The following KALRN variants were observed in gnomAD, a reference collection of about 807,000 sequenced individuals.
The protein encoded by KALRN is kalirin RhoGEF kinase, also known as kalirin.
Under a neutral mutation model 353.7 loss-of-function variants are expected in KALRN, and 70 were observed. The observed-to-expected ratio is 0.20, with a 90% CI of 0.16 to 0.24. KALRN has a LOEUF of 0.24. Ranked by LOEUF, KALRN falls within the 10% of genes least tolerant of loss-of-function variation. The pLI is 1.00. For synonymous variants in KALRN, 1,391 were observed against 1,434.8 expected (o/e 0.97, Z 0.69); for missense variants, 2,791 against 3,756.7 (o/e 0.74, Z 6.72).
Position 124,562,960 on chromosome 3 carries a change from C to G in KALRN, c.5053C>G (p.Pro1685Ala). ...VELLERPSER[P>A]GWCLVRTTER... ...GCTGCTGGAGCGGCCCAGCGAGCGGCCTGGTTGGTGTCTGGTCCGTACCAC... is the reference window on the plus strand; with the variant it reads ...GCTGCTGGAGCGGCCCAGCGAGCGGGCTGGTTGGTGTCTGGTCCGTACCAC... Residue 1685 changes from proline to alanine, a missense_variant, in exon 34 of 60, where the codon CCT (proline) becomes GCT (alanine). Transcript: ENST00000682506. 1.5e-6 allele frequency: 2 copies of G among 1,367,928 alleles called. No individual in the cohort carries two copies. Among genetic ancestry groups the G allele is most frequent in the Non-Finnish European group, 2.0e-6 (2 of 1,022,016 alleles). 84.7% of individuals were successfully genotyped at this position (1,367,928 alleles called of 1,614,324 possible). A position where few individuals can be genotyped will look rare whatever the true frequency, so the allele number is the denominator to read the frequency against.
In KALRN at chr3:124,382,981, C is replaced by T. The variant is rs2087632683; in HGVS notation, c.1771-1864C>T. 3.3e-5 allele frequency among the ~76,000 whole-genome samples: 5 copies of T among 152,334 alleles called. No individual in the cohort carries two copies. The South Asian group carries it at 8.3e-4, about 25-fold the overall frequency. On this transcript the variant is annotated intron_variant, in intron 10 of 59. Coordinates refer to ENST00000682506, the MANE Select transcript of KALRN (RefSeq NM_001388419.1). ...AACCCAGTGGCAAAACTACTTTCCT[C>T]ATATGAAGCTGCTGTTTTTCCATGA...
chr3:124,416,472 T>A lies in KALRN; in HGVS notation c.2542+2807T>A, dbSNP rs150179430. The stretch of plus-strand genomic sequence containing the variant: ...GTCAAAAGAGGTTTGGCCTCTTCAG[T>A]GCCTCTTACTGAGGCTGGCTGTTCT... On this transcript the variant is annotated intron_variant, in intron 14 of 59. Coordinates refer to ENST00000682506, the MANE Select transcript of KALRN (RefSeq NM_001388419.1). Among the ~76,000 whole-genome samples, 23 of 152,368 alleles carry A rather than the reference T, an allele frequency of 1.5e-4. No individual in the cohort carries two copies. The East Asian group carries it at 4.2e-3, about 28-fold the overall frequency.
intron 34 of KALRN, among the ~76,000 whole-genome samples, chr3:124,563,918 C>A (rs1291551574): frequency 1.3e-5 from 2 of 151,372 alleles, no homozygotes; most frequent in South Asian, 2.1e-4. Flanking sequence ...TCACTTGAAC[C>A]CGAGAGGCTG....
rs2078017419 is a variant in KALRN at position 124,611,904 on chromosome 3, TGTGGCTG to T, written c.5183-20513_5183-20507del. Among the ~76,000 whole-genome samples, 4 of 152,278 alleles carry T rather than the reference TGTGGCTG, an allele frequency of 2.6e-5. No individual in the cohort carries two copies. The South Asian group carries it at 8.3e-4, about 31-fold the overall frequency. On this transcript the variant is annotated intron_variant, in intron 34 of 59. Coordinates refer to ENST00000682506, the MANE Select transcript of KALRN (RefSeq NM_001388419.1). ...GTAGAAAGCCTTATTTCCGTCTTCATGTGGCTGGTTCACTCCCATCATTCAGGTCTCA... is the reference window on the plus strand; with the variant it reads ...GTAGAAAGCCTTATTTCCGTCTTCATGTTCACTCCCATCATTCAGGTCTCA...
intron 34 of KALRN, among the ~76,000 whole-genome samples, chr3:124,589,191 C>T (rs1463303210): frequency 2.0e-5 from 3 of 152,162 alleles, no homozygotes; most frequent in Non-Finnish European, 4.4e-5. Flanking sequence ...ATATCTCTTC[C>T]TTGGTCCTTA....
intron 6 of KALRN, among the ~76,000 whole-genome samples, chr3:124,321,574 C>T (rs1057484542): frequency 2.6e-5 from 4 of 152,194 alleles, no homozygotes; most frequent in Admixed American, 1.3e-4. Context: ...TCTGCTCCAT[C>T]GATTTCAGTT....
At chr3:124,270,218 T>G (rs1452235043) in intron 5 of KALRN, among the ~76,000 whole-genome samples, 1 of 152,214 alleles carries the variant, frequency 6.6e-6, no homozygotes, top group African/African-American at 2.4e-5. Flanking sequence ...AATACTGTTC[T>G]TAGGGATGCC....
intron 7 of KALRN, 137 bp from the exon 8 acceptor site, chr3:124,329,724 C>G: frequency 1.1e-6 from 1 of 906,332 alleles, no homozygotes; most frequent in African/African-American, 1.7e-5. Context: ...TAAAAAAACT[C>G]TACCCTCTAC....
At chr3:124,687,266 T>G (rs1415247513) in intron 51 of KALRN, among the ~76,000 whole-genome samples, 2 of 152,122 alleles carry the variant, frequency 1.3e-5, no homozygotes, top group East Asian at 3.9e-4. Flanking sequence ...GTCAAGGTCA[T>G]GGCTAGGTTG....
intron 56 of KALRN, among the ~76,000 whole-genome samples, chr3:124,701,380 CTTTCTTTCTTT>C (rs2062323309): frequency 2.2e-5 from 3 of 135,008 alleles, no homozygotes; most frequent in Non-Finnish European, 4.7e-5. Flanking sequence ...CTTTTTCTTT[CTTTCTTTCTTT>C]TTTTTTTTTT....
chr3:124,425,488 A>G (rs1487941191), intron 15 of KALRN, among the ~76,000 whole-genome samples: 1 of 152,194 alleles, frequency 6.6e-6, no homozygotes, highest in African/African-American at 2.4e-5. Context: ...AGGAGCAGGC[A>G]TGGCCTAAGC....
At chr3:124,276,558 C>T (rs968937344) in intron 5 of KALRN, among the ~76,000 whole-genome samples, 1 of 152,216 alleles carries the variant, frequency 6.6e-6, no homozygotes, top group Non-Finnish European at 1.5e-5. Context: ...ACACCTCCAA[C>T]ACCCCCATTC....
At chr3:124,265,869 A>G (rs1197333623) in intron 4 of KALRN, among the ~76,000 whole-genome samples, 7 of 152,176 alleles carry the variant, frequency 4.6e-5, no homozygotes, top group South Asian at 4.1e-4. Flanking sequence ...TAATCCCAAC[A>G]CTTTGGGAGG....
intron 4 of KALRN, among the ~76,000 whole-genome samples, chr3:124,268,052 A>C (rs2073764798): frequency 6.6e-6 from 1 of 152,204 alleles, no homozygotes; most frequent in Admixed American, 6.5e-5. Context: ...CTAAAGCCCT[A>C]TAGGAAGGAA....
chr3:124,606,907 G>T (rs2077406212), intron 34 of KALRN, among the ~76,000 whole-genome samples: 1 of 152,172 alleles, frequency 6.6e-6, no homozygotes, highest in South Asian at 2.1e-4. Flanking sequence ...AAAACGATAA[G>T]ATTATGTTTC....
At chr3:124,563,118 A>G in intron 34 of KALRN, 29 bp downstream of exon 34, 1 of 1,358,670 alleles carries the variant, frequency 7.4e-7, no homozygotes, top group South Asian at 1.1e-5. Flanking sequence ...TGGGAGGCAC[A>G]GACCAAGGAG....
chr3:124,340,843 C>T (rs1317046157), intron 9 of KALRN, among the ~76,000 whole-genome samples: 1 of 152,144 alleles, frequency 6.6e-6, no homozygotes, highest in East Asian at 1.9e-4. Context: ...ATAATCCCAG[C>T]TACTCAGGAG....
chr3:124,286,565 C>T (rs889256398), intron 5 of KALRN, among the ~76,000 whole-genome samples: 1 of 152,090 alleles, frequency 6.6e-6, no homozygotes, highest in Non-Finnish European at 1.5e-5. Context: ...GTGCTGTTTT[C>T]TATTGATTTG....
intron 34 of KALRN, 27 bp downstream of exon 34, chr3:124,563,116 A>G: frequency 1.5e-6 from 2 of 1,360,648 alleles, no homozygotes; most frequent in Non-Finnish European, 2.0e-6. Context: ...GGTGGGAGGC[A>G]CAGACCAAGG....
Sources: allele counts gnomAD v4.1 joint callset (sites outside exome capture counted in the v4.1 genomes callset), GRCh38; gene constraint gnomAD v4.1.1; transcripts MANE v1.5; gene names NCBI Gene and HGNC (gene_info 2026-07-23, HGNC 2026-07-21).